PCDHGA9: variants seen among roughly 807,000 people sequenced by gnomAD.
PCDHGA9 encodes protocadherin gamma-A9.
In PCDHGA9, 37 loss-of-function variants were observed where a neutral mutation model predicts 62.5. The observed-to-expected ratio is 0.59, with a 90% CI of 0.46 to 0.78. The LOEUF (loss-of-function observed/expected upper bound fraction) is 0.78, where lower values mean the gene tolerates loss of function less well. Among genes scored for constraint, PCDHGA9 ranks in the 30% least tolerant of loss-of-function variants. The pLI, the probability that PCDHGA9 is intolerant of heterozygous loss-of-function variation, is 0.00. For synonymous variants in PCDHGA9, 459 were observed against 484.6 expected, an observed-to-expected ratio of 0.95 and a Z score of 0.69; for missense variants, 1,138 against 1,166.2, an observed-to-expected ratio of 0.98 and a Z score of 0.35.
At position 141,510,839 on chromosome 5, in the gene PCDHGA9, C is replaced by G. The variant is rs186647886; in HGVS notation, c.2573-108C>G. The stretch of plus-strand genomic sequence containing the variant: ...CTATATTCCCAGTGCTCAGCGTGGT[C>G]AAGGCCCAGGGTGCTGTATAGGCAT... On this transcript the variant is annotated intron_variant, in intron 3 of 3. Coordinates refer to ENST00000573521, the MANE Select transcript of PCDHGA9 (RefSeq NM_018921.3). The G allele has an allele frequency of 6.5e-5, 103 of 1,587,108 alleles. No individual in the cohort carries two copies. The East Asian group carries it at 1.6e-3, about 25-fold the overall frequency.
Position 141,476,162 on chromosome 5 carries a change from G to A in PCDHGA9, c.2425-18645G>A. 6.2e-7 allele frequency: 1 copy of A among 1,613,038 alleles called. No homozygotes were observed. Among genetic ancestry groups the A allele is most frequent in the South Asian group, 1.1e-5 (1 of 91,040 alleles). Reference sequence around the variant, plus strand: ...GAGCGGACTGGTAAGCACCGGGAGGGTAGTGGGAGTTTTGCTTCTGCTTGG... The same window carrying A: ...GAGCGGACTGGTAAGCACCGGGAGGATAGTGGGAGTTTTGCTTCTGCTTGG... On this transcript the variant is annotated intron_variant, in intron 1 of 3. Coordinates refer to ENST00000573521, the MANE Select transcript of PCDHGA9 (RefSeq NM_018921.3). The surrounding 1 kb of genome is among the most constrained non-coding windows in gnomAD (Gnocchi z 7.6).
rs201073884 is a variant in PCDHGA9 at position 141,486,264 on chromosome 5, A to C, written c.2425-8543A>C. On this transcript the variant is annotated intron_variant, in intron 1 of 3. Coordinates refer to ENST00000573521, the MANE Select transcript of PCDHGA9 (RefSeq NM_018921.3). This position sits in a 1 kb window ranked among gnomAD's most constrained non-coding sequence, Gnocchi z 5.0. The stretch of plus-strand genomic sequence containing the variant: ...CTTGGAACCCTCCCCGAGAGTGCAG[A>C]ACCTGGCACTGTGGTGGCACTTATC... 8 of 1,614,032 alleles carry C rather than the reference A, an allele frequency of 5.0e-6. No individual in the cohort carries two copies. The East Asian group carries it at 1.6e-4, about 31-fold the overall frequency.
intron 1 of PCDHGA9, among the ~76,000 whole-genome samples, chr5:141,464,723 T>A (rs1166321691): frequency 6.6e-6 from 1 of 152,156 alleles, no homozygotes; most frequent in Non-Finnish European, 1.5e-5. Flanking sequence ...TTTCATATGT[T>A]TAAAAGCCAG....
intron 1 of PCDHGA9, chr5:141,441,697 C>T: frequency 6.5e-6 from 2 of 307,306 alleles, no homozygotes; most frequent in Non-Finnish European, 1.3e-5. Flanking sequence ...CAGCCGCGAG[C>T]CTTCAAGCTC....
rs943867570 is a variant in PCDHGA9 at position 141,493,651 on chromosome 5, T to C, written c.2425-1156T>C. On this transcript the variant is annotated intron_variant, in intron 1 of 3. Coordinates refer to ENST00000573521, the MANE Select transcript of PCDHGA9 (RefSeq NM_018921.3). The surrounding 1 kb of genome is among the most constrained non-coding windows in gnomAD (Gnocchi z 4.3). ...AGTGGCTGAGGGCTGGCCATCCCTGTGCCCTTCTCCATGGCAGCCCCAGAA... is the reference window on the plus strand; with the variant it reads ...AGTGGCTGAGGGCTGGCCATCCCTGCGCCCTTCTCCATGGCAGCCCCAGAA... Among the ~76,000 whole-genome samples, 1 of 152,204 alleles carries C rather than the reference T, an allele frequency of 6.6e-6. No individual in the cohort carries two copies. The highest frequency in any genetic ancestry group is 1.5e-5 in the Non-Finnish European group (1 of 68,030).
At chr5:141,462,542 T>C (rs910054469) in intron 1 of PCDHGA9, among the ~76,000 whole-genome samples, 1 of 152,222 alleles carries the variant, frequency 6.6e-6, no homozygotes, top group Non-Finnish European at 1.5e-5. Flanking sequence ...AGTGATCTTT[T>C]CTTCTTCAGT....
chr5:141,418,036 G>T, intron 1 of PCDHGA9: 1 of 1,614,020 alleles, frequency 6.2e-7, no homozygotes, highest in Non-Finnish European at 8.5e-7. Context: ...TTAGTGTCCT[G>T]GATGTGTCGG....
intron 1 of PCDHGA9, among the ~76,000 whole-genome samples, chr5:141,449,869 T>G (rs1003364964): frequency 6.6e-6 from 1 of 151,924 alleles, no homozygotes; most frequent in African/African-American, 2.4e-5. Flanking sequence ...ATCAGAAAAT[T>G]TAACATCAAT....
At chr5:141,498,632 A>G (rs2099784830) in intron 2 of PCDHGA9, among the ~76,000 whole-genome samples, 1 of 152,118 alleles carries the variant, frequency 6.6e-6, no homozygotes, top group South Asian at 2.1e-4. Context: ...CACTGCCTAG[A>G]CAGAAGGAAG....
At position 141,413,304 on chromosome 5, in the gene PCDHGA9, A is replaced by T; in HGVS notation, c.2424+7928A>T. The T allele has an allele frequency of 1.9e-6, 3 of 1,613,982 alleles. No individual in the cohort carries two copies. The Admixed American group carries it at 5.0e-5, about 27-fold the overall frequency. On this transcript the variant is annotated intron_variant, in intron 1 of 3. Transcript: ENST00000573521. Reference sequence around the variant, plus strand: ...TCTCCTACTCAATTCCTGAGGAATTAGAGAAAGGCTCTTTCGTGGGCAACA... The same window carrying T: ...TCTCCTACTCAATTCCTGAGGAATTTGAGAAAGGCTCTTTCGTGGGCAACA...
At chr5:141,416,434 A>G (rs2096024040) in intron 1 of PCDHGA9, 1 of 152,222 alleles carries the variant, frequency 6.6e-6, no homozygotes, top group African/African-American at 2.4e-5. Context: ...CTAAGGCTGA[A>G]AGTAAATATG....
intron 1 of PCDHGA9, among the ~76,000 whole-genome samples, chr5:141,437,623 T>G (rs887878119): frequency 3.3e-5 from 5 of 152,172 alleles, no homozygotes; most frequent in Non-Finnish European, 7.4e-5. Context: ...TATCCCCATA[T>G]AAGATGTCAG....
chr5:141,462,792 G>C (rs2099046915), intron 1 of PCDHGA9, among the ~76,000 whole-genome samples: 1 of 152,080 alleles, frequency 6.6e-6, no homozygotes, highest in Admixed American at 6.6e-5. Flanking sequence ...TTGCTTATTT[G>C]CATGTCTAAT....
Position 141,491,687 on chromosome 5 carries a change from G to A in PCDHGA9, c.2425-3120G>A. On this transcript the variant is annotated intron_variant, in intron 1 of 3. Transcript: ENST00000573521. This position sits in a 1 kb window ranked among gnomAD's most constrained non-coding sequence, Gnocchi z 6.9. Reference sequence around the variant, plus strand: ...ATCCGGTCCCGCTCTAATACGCTGCGGGAGCGGAGCCAGGTGAGGGGCTCG... The same window carrying A: ...ATCCGGTCCCGCTCTAATACGCTGCAGGAGCGGAGCCAGGTGAGGGGCTCG... The A allele has an allele frequency of 6.2e-7, 1 of 1,613,072 alleles. No homozygotes were observed. The highest frequency in any genetic ancestry group is 8.5e-7 in the Non-Finnish European group (1 of 1,179,608).
intron 1 of PCDHGA9, among the ~76,000 whole-genome samples, chr5:141,466,614 G>A (rs75804312): frequency 1.4e-3 from 218 of 152,142 alleles, no homozygotes; most frequent in Middle Eastern, 6.8e-3. Context: ...GTAAACTGCC[G>A]TTTTCTTTGG....
At position 141,511,216 on chromosome 5, in the gene PCDHGA9, C is replaced by G. The variant is rs374915167; in HGVS notation, c.*43C>G. Reference sequence around the variant, plus strand: ...GAGCCACAGGGCGGCCTCTCCCCAACCAGCCCAGCTTCTCCTTACCTGCAC... The same window carrying G: ...GAGCCACAGGGCGGCCTCTCCCCAAGCAGCCCAGCTTCTCCTTACCTGCAC... On this transcript the variant is annotated 3_prime_UTR_variant, in exon 4 of 4. Coordinates refer to ENST00000573521, the MANE Select transcript of PCDHGA9 (RefSeq NM_018921.3). 4.2e-5 allele frequency: 68 copies of G among 1,608,004 alleles called. No individual in the cohort carries two copies. The highest frequency in any genetic ancestry group is 6.7e-5 in the East Asian group (3 of 44,538).
chr5:141,415,588 A>G lies in PCDHGA9; in HGVS notation c.2424+10212A>G, dbSNP rs769216282. 3.3e-5 allele frequency: 53 copies of G among 1,613,874 alleles called. No individual in the cohort carries two copies. Among genetic ancestry groups the G allele is most frequent in the Admixed American group, 3.3e-5 (2 of 59,998 alleles). ...TTTGTTAGATGATTCGAAGTTTCCT[A>G]TAGAGGATACCCCATTGGTTCCAGT... On this transcript the variant is annotated intron_variant, in intron 1 of 3. Transcript: ENST00000573521.
intron 1 of PCDHGA9, chr5:141,413,189 G>T: frequency 1.2e-6 from 2 of 1,606,972 alleles, no homozygotes; most frequent in Middle Eastern, 1.7e-4. Flanking sequence ...GCCGCTCAAA[G>T]GAATCGCTCA....
At chr5:141,467,537 A>G (rs2154569542) in intron 1 of PCDHGA9, among the ~76,000 whole-genome samples, 1 of 152,192 alleles carries the variant, frequency 6.6e-6, no homozygotes, top group Non-Finnish European at 1.5e-5. Context: ...TGAGATATGG[A>G]TCTGATTATA....
Sources: gnomAD v4.1 joint callset for allele counts (sites outside exome capture counted in the v4.1 genomes callset) on GRCh38, gnomAD v4.1.1 for gene constraint, Gnocchi (gnomAD v3.1) non-coding constraint, MANE v1.5 for transcripts, NCBI Gene and HGNC (gene_info 2026-07-23, HGNC 2026-07-21) for gene names.